Variants in TRIM71 observed in about 807,000 individuals in gnomAD.
TRIM71 encodes the protein tripartite motif containing 71, also known as E3 ubiquitin-protein ligase TRIM71.
A neutral mutation model predicts 61.2 loss-of-function variants in TRIM71; 9 were observed. The ratio of observed to expected loss-of-function variants is 0.15; its 90% confidence interval spans 0.09 to 0.26. The LOEUF is 0.26. Among genes scored for constraint, TRIM71 ranks in the 10% least tolerant of loss-of-function variants. The pLI is 1.00. For missense variants in TRIM71, 998 were observed against 1,238.7 expected (o/e 0.81, Z 2.92); for synonymous variants, 645 against 553.2 (o/e 1.17, Z -2.33).
At chr3:32,842,742 G>A (rs935728900) in intron 1 of TRIM71, among the ~76,000 whole-genome samples, 4 of 152,174 alleles carry the variant, frequency 2.6e-5, no homozygotes, top group Non-Finnish European at 4.4e-5. Context: ...TTAGCCAGGT[G>A]TAGGCTCTTC....
At chr3:32,823,338 A>T (rs1696161939) in intron 1 of TRIM71, among the ~76,000 whole-genome samples, 1 of 152,238 alleles carries the variant, frequency 6.6e-6, no homozygotes, top group Non-Finnish European at 1.5e-5. Flanking sequence ...GCCTGTGCTG[A>T]TGAGGTTGCC....
rs182143152 is a variant in TRIM71 at position 32,892,183 on chromosome 3, C to T, written c.*372C>T. 8 of 196,568 alleles carry T rather than the reference C, an allele frequency of 4.1e-5. No individual in the cohort carries two copies. Among genetic ancestry groups the T allele is most frequent in the Admixed American group, 2.7e-4 (5 of 18,614 alleles). The allele number at this position is 196,568 out of a possible 1,614,324, so 12.2% of individuals were successfully genotyped here. A position where few individuals can be genotyped will look rare whatever the true frequency, so the allele number is the denominator to read the frequency against. On this transcript the variant is annotated 3_prime_UTR_variant, in exon 4 of 4. Coordinates refer to ENST00000383763, the MANE Select transcript of TRIM71 (RefSeq NM_001039111.3). ...ATGCACAAGCCTGGCATCTGTATGG[C>T]TGGGAGGGCACTGGATGTGTGTGGT...
At chr3:32,821,958 TG>T (rs1696139939) in intron 1 of TRIM71, among the ~76,000 whole-genome samples, 1 of 152,050 alleles carries the variant, frequency 6.6e-6, no homozygotes, top group Non-Finnish European at 1.5e-5. Context: ...GCTTGAGTTT[TG>T]GGGGAAGAGT....
At chr3:32,854,158 T>C (rs1024565805) in intron 1 of TRIM71, among the ~76,000 whole-genome samples, 5 of 152,154 alleles carry the variant, frequency 3.3e-5, no homozygotes, top group African/African-American at 1.2e-4. Context: ...CTGGCTAATT[T>C]TTTAAATTTT....
In TRIM71 at chr3:32,826,954, C is replaced by T. The variant is rs1287351540; in HGVS notation, c.852+8022C>T. Among the ~76,000 whole-genome samples the T allele has an allele frequency of 6.0e-5, 9 of 150,924 alleles. No homozygotes were observed. In the South Asian group the frequency reaches 6.3e-4, roughly 11 times the overall value. On this transcript the variant is annotated intron_variant, in intron 1 of 3. Coordinates refer to ENST00000383763, the MANE Select transcript of TRIM71 (RefSeq NM_001039111.3). ...ATTGTTTTTGTATTTTTAGTAGAGACGGGGTTTCACTGTGTTAGCCAGGAT... is the reference window on the plus strand; with the variant it reads ...ATTGTTTTTGTATTTTTAGTAGAGATGGGGTTTCACTGTGTTAGCCAGGAT...
chr3:32,818,957 G>C, intron 1 of TRIM71, 25 bp downstream of exon 1: 1 of 1,606,598 alleles, frequency 6.2e-7, no homozygotes, highest in Admixed American at 1.7e-5. Context: ...GCGTGTGTTT[G>C]TGTCCATCGG....
intron 1 of TRIM71, among the ~76,000 whole-genome samples, chr3:32,852,288 G>A (rs1031482335): frequency 1.3e-5 from 2 of 152,200 alleles, no homozygotes; most frequent in African/African-American, 4.8e-5. Context: ...TCTCTGACCA[G>A]AGGGAGGGTG....
intron 1 of TRIM71, among the ~76,000 whole-genome samples, chr3:32,827,297 T>C (rs1305787123): frequency 3.9e-5 from 5 of 126,624 alleles, no homozygotes; most frequent in African/African-American, 1.4e-4. Context: ...GGAGTCTCAC[T>C]CTGTTGCCTA....
In TRIM71 at chr3:32,891,916, T is replaced by G; in HGVS notation, c.*105T>G. 6.9e-7 allele frequency: 1 copy of G among 1,451,454 alleles called. No homozygotes were observed. Among genetic ancestry groups the G allele is most frequent in the Non-Finnish European group, 9.1e-7 (1 of 1,101,108 alleles). 89.9% of individuals were successfully genotyped at this position (1,451,454 alleles called of 1,614,324 possible). A position where few individuals can be genotyped will look rare whatever the true frequency, so the allele number is the denominator to read the frequency against. ...TTTGAATTTCAAAGAAGAAACAGTCTCAGGGAAATTTCTTTTTTCTTTTTT... is the reference window on the plus strand; with the variant it reads ...TTTGAATTTCAAAGAAGAAACAGTCGCAGGGAAATTTCTTTTTTCTTTTTT... On this transcript the variant is annotated 3_prime_UTR_variant, in exon 4 of 4. Transcript: ENST00000383763. The surrounding 1 kb of genome is among the most constrained non-coding windows in gnomAD (Gnocchi z 8.2).
intron 1 of TRIM71, among the ~76,000 whole-genome samples, chr3:32,829,035 C>T (rs1696235997): frequency 6.6e-6 from 1 of 151,656 alleles, no homozygotes; most frequent in African/African-American, 2.4e-5. Context: ...CCTCTGTCGC[C>T]CAGGCTGGAG....
chr3:32,846,544 A>C (rs1206047340), intron 1 of TRIM71, among the ~76,000 whole-genome samples: 1 of 152,210 alleles, frequency 6.6e-6, no homozygotes, highest in Non-Finnish European at 1.5e-5. Context: ...TTCTCAATAC[A>C]TCATTAACAA....
intron 1 of TRIM71, among the ~76,000 whole-genome samples, chr3:32,873,293 A>G (rs976940637): frequency 6.6e-6 from 1 of 152,180 alleles, no homozygotes. Flanking sequence ...TGGGAGAACC[A>G]TGCTTTGCAC....
chr3:32,844,448 G>T (rs569085662), intron 1 of TRIM71, among the ~76,000 whole-genome samples: 89 of 152,258 alleles, frequency 5.8e-4, no homozygotes, highest in Non-Finnish European at 1.1e-3. Flanking sequence ...TCAGGCTAGA[G>T]TGCAGTGGCG....
intron 1 of TRIM71, among the ~76,000 whole-genome samples, chr3:32,870,749 CT>C (rs1442471636): frequency 1.2e-4 from 18 of 152,224 alleles, no homozygotes; most frequent in South Asian, 4.1e-4. Context: ...CACCTTAATT[CT>C]TTATAGTTAC....
At chr3:32,863,690 T>C (rs1696699335) in intron 1 of TRIM71, among the ~76,000 whole-genome samples, 1 of 152,170 alleles carries the variant, frequency 6.6e-6, no homozygotes, top group Non-Finnish European at 1.5e-5. Flanking sequence ...TGTTTTTGTT[T>C]TTGTTTTTTT....
At chr3:32,834,543 A>G (rs546388639) in intron 1 of TRIM71, among the ~76,000 whole-genome samples, 6 of 152,194 alleles carry the variant, frequency 3.9e-5, no homozygotes, top group Non-Finnish European at 8.8e-5. Flanking sequence ...TACTTCTAGT[A>G]TAGCCAGTTT....
intron 1 of TRIM71, among the ~76,000 whole-genome samples, chr3:32,845,438 C>T (rs1279248885): frequency 6.6e-6 from 1 of 152,220 alleles, no homozygotes; most frequent in Non-Finnish European, 1.5e-5. Context: ...GCTCCTGCCA[C>T]CACACCATGA....
chr3:32,865,200 G>A (rs1397477020), intron 1 of TRIM71, among the ~76,000 whole-genome samples: 3 of 152,052 alleles, frequency 2.0e-5, no homozygotes, highest in Non-Finnish European at 4.4e-5. Context: ...GTGGTGGCAC[G>A]CGCCTGTAGT....
chr3:32,863,686 T>A (rs1696699188), intron 1 of TRIM71, among the ~76,000 whole-genome samples: 1 of 152,190 alleles, frequency 6.6e-6, no homozygotes, highest in Non-Finnish European at 1.5e-5. Flanking sequence ...TATTTGTTTT[T>A]GTTTTTGTTT....
Sources: allele counts gnomAD v4.1 joint callset (sites outside exome capture counted in the v4.1 genomes callset), GRCh38; gene constraint gnomAD v4.1.1; non-coding constraint Gnocchi (gnomAD v3.1); transcripts MANE v1.5; gene names NCBI Gene and HGNC (gene_info 2026-07-23, HGNC 2026-07-21).